POLH: variants seen among roughly 807,000 people sequenced by gnomAD.
POLH encodes the protein DNA polymerase eta transcript.
Under a neutral mutation model 73.6 loss-of-function variants are expected in POLH, and 53 were observed. That is an observed-to-expected ratio of 0.72 (90% CI 0.58 to 0.91). The LOEUF (loss-of-function observed/expected upper bound fraction) is 0.91. POLH is among the 40% of genes least tolerant of loss of function. The pLI, the probability that POLH is intolerant of heterozygous loss-of-function variation, is 0.00. For synonymous variants in POLH, 292 were observed against 308.5 expected, an observed-to-expected ratio of 0.95 and a Z score of 0.56; for missense variants, 768 against 865.4, an observed-to-expected ratio of 0.89 and a Z score of 1.41.
intron 4 of POLH, among the ~76,000 whole-genome samples, chr6:43,597,272 T>C (rs1766180967): frequency 6.6e-6 from 1 of 152,140 alleles, no homozygotes; most frequent in Admixed American, 6.6e-5. Context: ...TGCACCACCA[T>C]GCCCAGCTAG....
At chr6:43,581,597 TC>T (rs1764228434) in intron 1 of POLH, among the ~76,000 whole-genome samples, 2 of 149,480 alleles carry the variant, frequency 1.3e-5, no homozygotes, top group South Asian at 4.2e-4. Flanking sequence ...AGCCGCTGCC[TC>T]CCGGGCGGCG....
At chr6:43,595,816 C>A (rs1282156213) in intron 4 of POLH, among the ~76,000 whole-genome samples, 1 of 151,750 alleles carries the variant, frequency 6.6e-6, no homozygotes, top group Non-Finnish European at 1.5e-5. Flanking sequence ...AAATAAAGTT[C>A]CTCAGCACAA....
At chr6:43,577,908 C>G (rs886912056) in intron 1 of POLH, among the ~76,000 whole-genome samples, 6 of 150,156 alleles carry the variant, frequency 4.0e-5, no homozygotes, top group Non-Finnish European at 8.9e-5. Flanking sequence ...CACGGTGAAA[C>G]CCCGTCTCTA....
In POLH at chr6:43,605,330, C is replaced by A. The variant is rs376447275; in HGVS notation, c.1074+11C>A. On this transcript the variant is annotated intron_variant, in intron 9 of 10. Transcript: ENST00000372236. ...AAAGACCGAAATGATGTAAGATTTTCTTTCTTTATTCCTGGGGTGGGCTTT... is the reference window on the plus strand; with the variant it reads ...AAAGACCGAAATGATGTAAGATTTTATTTCTTTATTCCTGGGGTGGGCTTT... The A allele has an allele frequency of 9.9e-5, 150 of 1,514,050 alleles. 2 individuals are homozygous for A. Among genetic ancestry groups the A allele is most frequent in the South Asian group, 9.5e-4 (84 of 88,190 alleles). 93.8% of individuals were successfully genotyped at this position (1,514,050 alleles called of 1,614,324 possible). A position where few individuals can be genotyped will look rare whatever the true frequency, so the allele number is the denominator to read the frequency against.
intron 10 of POLH, among the ~76,000 whole-genome samples, chr6:43,612,623 A>C (rs1768015095): frequency 6.6e-6 from 1 of 152,158 alleles, no homozygotes; most frequent in Admixed American, 6.5e-5. Flanking sequence ...CTGGGATTAC[A>C]GGCGTGAGCC....
At chr6:43,593,093 T>G (rs1287257074) in intron 4 of POLH, among the ~76,000 whole-genome samples, 3 of 152,226 alleles carry the variant, frequency 2.0e-5, no homozygotes, top group African/African-American at 7.2e-5. Flanking sequence ...TGTGAACTCA[T>G]GCTCAAGTGA....
chr6:43,614,214 A>G lies in POLH; in HGVS notation c.1799A>G (p.Asn600Ser), dbSNP rs959159062. The G allele has an allele frequency of 1.2e-6, 2 of 1,612,388 alleles. No homozygotes were observed. Among genetic ancestry groups the G allele is most frequent in the African/African-American group, 1.3e-5 (1 of 74,864 alleles). Residue 600 changes from asparagine (N) to serine (S), a missense_variant, in exon 11 of 11, where the codon AAC becomes AGC. Transcript: ENST00000372236. ...ATPAEMDLAHNSQSMHASSAS... is the reference protein window; with the variant it reads ...ATPAEMDLAHSSQSMHASSAS... The stretch of plus-strand genomic sequence containing the variant: ...CCTGCAGAGATGGATTTGGCCCACA[A>G]CAGCCAAAGCATGCACGCCTCTTCA...
intron 6 of POLH, among the ~76,000 whole-genome samples, chr6:43,601,951 G>A (rs1217648144): frequency 3.9e-5 from 6 of 152,100 alleles, no homozygotes; most frequent in South Asian, 2.1e-4. Flanking sequence ...CTAGCTACTC[G>A]GGAGGCTGAG....
chr6:43,589,181 T>G (rs1226311418), intron 4 of POLH, among the ~76,000 whole-genome samples: 1 of 152,134 alleles, frequency 6.6e-6, no homozygotes, highest in African/African-American at 2.4e-5. Context: ...ACCTTAGAGA[T>G]GTGTCCATGT....
In POLH at chr6:43,620,163, A is replaced by G. The variant is rs542381182; in HGVS notation, c.*5606A>G. On this transcript the variant is annotated 3_prime_UTR_variant, in exon 11 of 11. Transcript: ENST00000372236. ...CTCTTCTTTAAGTAGCTGGCACTGT[A>G]TCTCTGCCAGGGCACAGAAGTGGGC... The G allele has an allele frequency of 6.5e-6, 3 of 458,876 alleles. No homozygotes were observed. The highest frequency in any genetic ancestry group is 4.1e-5 in the African/African-American group (2 of 48,298). 28.4% of individuals were successfully genotyped at this position (458,876 alleles called of 1,614,324 possible).
Position 43,588,939 on chromosome 6 carries a change from G to A in POLH, c.490+1450G>A, listed in dbSNP as rs1345060176. Among the ~76,000 whole-genome samples, 17 of 150,816 alleles carry A rather than the reference G, an allele frequency of 1.1e-4. 1 individual carries two copies. The South Asian group carries it at 3.1e-3, about 28-fold the overall frequency. ...TGCAAGCTCCGCCTCCCGGGTTCAC[G>A]CCATTCTCCTGCCTCAGCCTCCTGA... is the stretch of plus-strand genomic sequence containing the variant. On this transcript the variant is annotated intron_variant, in intron 4 of 10. Coordinates refer to ENST00000372236, the MANE Select transcript of POLH (RefSeq NM_006502.3).
intron 1 of POLH, among the ~76,000 whole-genome samples, chr6:43,577,487 A>C (rs1343396749): frequency 6.6e-6 from 1 of 152,212 alleles, no homozygotes; most frequent in Non-Finnish European, 1.5e-5. Flanking sequence ...GTAAATGTTT[A>C]AAGTATCACA....
intron 1 of POLH, among the ~76,000 whole-genome samples, chr6:43,580,883 G>A (rs1387843670): frequency 6.0e-5 from 9 of 149,774 alleles, no homozygotes; most frequent in East Asian, 4.1e-4. Context: ...CGGCTGGCCG[G>A]GCGGAGGGCT....
intron 5 of POLH, among the ~76,000 whole-genome samples, chr6:43,600,237 G>A (rs930062772): frequency 1.3e-5 from 2 of 151,826 alleles, no homozygotes; most frequent in Non-Finnish European, 2.9e-5. Flanking sequence ...GGCCAACATG[G>A]TGAAACCCCG....
intron 8 of POLH, 69 bp from the exon 9 acceptor site, chr6:43,605,181 CAAAT>C: frequency 2.3e-6 from 2 of 873,238 alleles, no homozygotes; most frequent in Non-Finnish European, 3.8e-6. Context: ...AAAAAAAGAA[CAAAT>C]AACACCATCT....
At position 43,587,478 on chromosome 6, in the gene POLH, C is replaced by G. The variant is rs768567392; in HGVS notation, c.479C>G (p.Thr160Ser). Residue 160 changes from threonine to serine, a missense_variant, in exon 4 of 11, where the codon ACT (threonine) becomes AGT (serine). By Grantham distance (58) the Thr-to-Ser change is moderately conservative (BLOSUM62 1). Transcript: ENST00000372236. ...LPQGPTTAEE[T>S]VQKEGMRKQG... ...CAAGGCCCTACAACGGCAGAAGAGA[C>G]TGTTCAGAAAGGTACTTCCATAGCA... 1.2e-6 allele frequency: 2 copies of G among 1,612,204 alleles called. No individual in the cohort carries two copies. The highest frequency in any genetic ancestry group is 1.7e-5 in the Admixed American group (1 of 60,008).
At chr6:43,590,334 G>T (rs143050811) in intron 4 of POLH, among the ~76,000 whole-genome samples, 1 of 150,576 alleles carries the variant, frequency 6.6e-6, no homozygotes, top group South Asian at 2.1e-4. Flanking sequence ...CTCCAGCCTC[G>T]GCAACAGAGC....
At position 43,585,446 on chromosome 6, in the gene POLH, G is replaced by C. The variant is rs371765184; in HGVS notation, c.273-1826G>C. Among the ~76,000 whole-genome samples, 26 of 151,990 alleles carry C rather than the reference G, an allele frequency of 1.7e-4. No individual in the cohort carries two copies. The East Asian group carries it at 4.4e-3, about 26-fold the overall frequency. ...AGTCCCAACCCTCTAATTATGCCGT[G>C]GTCTTTTTGGTGACCTGCCCTATCC... is the stretch of plus-strand genomic sequence containing the variant. On this transcript the variant is annotated intron_variant, in intron 3 of 10. Transcript: ENST00000372236.
intron 10 of POLH, 26 bp from the exon 11 acceptor site, chr6:43,613,634 A>T: frequency 6.3e-7 from 1 of 1,582,036 alleles, no homozygotes; most frequent in Non-Finnish European, 8.7e-7. Context: ...ATTGCTAATC[A>T]TCTTATTTCT....
Sources: allele counts gnomAD v4.1 joint callset (sites outside exome capture counted in the v4.1 genomes callset), GRCh38; gene constraint gnomAD v4.1.1; transcripts MANE v1.5; gene names NCBI Gene and HGNC (gene_info 2026-07-23, HGNC 2026-07-21).